NDUFAF5: variants seen among roughly 807,000 people sequenced by gnomAD.
The protein encoded by NDUFAF5 is arginine-hydroxylase NDUFAF5, mitochondrial.
In NDUFAF5, 34 loss-of-function variants were observed where a neutral mutation model predicts 48.9. The ratio of observed to expected loss-of-function variants is 0.70; its 90% confidence interval spans 0.53 to 0.93. The LOEUF is 0.93. NDUFAF5 is among the 40% of genes least tolerant of loss of function. The probability of loss-of-function intolerance (pLI) is 0.00; values close to 1 mark genes in which losing one functional copy is unlikely to be tolerated. For synonymous variants in NDUFAF5, 153 were observed against 150.6 expected (o/e 1.02, Z -0.12); for missense variants, 428 against 427.5 (o/e 1.00, Z -0.01).
At chr20:13,801,002 G>GCACACTGT (rs1984029292) in intron 6 of NDUFAF5, among the ~76,000 whole-genome samples, 1 of 152,176 alleles carries the variant, frequency 6.6e-6, no homozygotes. Context: ...CGTGGAACTG[G>GCACACTGT]CACACTGTCA....
chr20:13,798,197 A>C lies in NDUFAF5; in HGVS notation c.480-264A>C, dbSNP rs6110046. Among the ~76,000 whole-genome samples, 2,389 of 152,354 alleles carry C rather than the reference A, an allele frequency of 0.016. 72 individuals carry two copies. The highest frequency in any genetic ancestry group is 0.055 in the African/African-American group (2,275 of 41,580). On this transcript the variant is annotated intron_variant, in intron 5 of 10. Coordinates refer to ENST00000378106, the MANE Select transcript of NDUFAF5 (RefSeq NM_024120.5). Reference sequence around the variant, plus strand: ...ACTTTTACATAATTCAGTGATGAATAATTAGAAAATAATCATATCAGATTC... The same window carrying C: ...ACTTTTACATAATTCAGTGATGAATCATTAGAAAATAATCATATCAGATTC...
chr20:13,816,399 T>C, intron 8 of NDUFAF5, 64 bp from the exon 9 acceptor site: 1 of 1,075,280 alleles, frequency 9.3e-7, no homozygotes, highest in Non-Finnish European at 1.5e-6. Context: ...GGATTAAGTC[T>C]GTGGTATTGA....
chr20:13,791,824 CCATAGTAGTGTTCATCAGTG>C (rs1982323620), intron 3 of NDUFAF5, among the ~76,000 whole-genome samples: 2 of 152,214 alleles, frequency 1.3e-5, no homozygotes, highest in African/African-American at 2.4e-5. Context: ...TGTAGTCTAT[CCATAGTAGTGTTCATCAGTG>C]TGTGTGGCCC....
At chr20:13,809,065 A>G (rs746100660) in intron 8 of NDUFAF5, 163 bp downstream of exon 8, 78 of 631,992 alleles carry the variant, frequency 1.2e-4, no homozygotes, top group Non-Finnish European at 1.7e-4. Flanking sequence ...GACTGTCTTC[A>G]TGGAGCTTCT....
At chr20:13,811,992 A>G (rs1386673657) in intron 8 of NDUFAF5, among the ~76,000 whole-genome samples, 2 of 152,228 alleles carry the variant, frequency 1.3e-5, no homozygotes, top group Non-Finnish European at 2.9e-5. Flanking sequence ...TTACAGATTT[A>G]TAGTCTTTTG....
At chr20:13,787,464 G>T in intron 2 of NDUFAF5, 112 bp downstream of exon 2, 3 of 987,412 alleles carry the variant, frequency 3.0e-6, no homozygotes, top group South Asian at 1.3e-5. Context: ...AATTTACTCA[G>T]ACTGGTGATT....
chr20:13,808,699 C>A, intron 7 of NDUFAF5, 143 bp from the exon 8 acceptor site: 1 of 611,284 alleles, frequency 1.6e-6, no homozygotes, highest in South Asian at 1.9e-5. Flanking sequence ...CAAACATAAG[C>A]CAGATGACAT....
chr20:13,802,094 T>G (rs370261096), intron 7 of NDUFAF5, among the ~76,000 whole-genome samples: 1 of 152,102 alleles, frequency 6.6e-6, no homozygotes, highest in African/African-American at 2.4e-5. Context: ...CAGTGCCATA[T>G]GAAGCAGAAA....
At chr20:13,795,109 AT>A (rs1982985885) in intron 5 of NDUFAF5, among the ~76,000 whole-genome samples, 168 bp downstream of exon 5, 1 of 152,178 alleles carries the variant, frequency 6.6e-6, no homozygotes, top group Non-Finnish European at 1.5e-5. Flanking sequence ...CCTTGCCAAC[AT>A]GTTGAAACCC....
intron 3 of NDUFAF5, among the ~76,000 whole-genome samples, chr20:13,790,990 C>G (rs1982194380): frequency 6.6e-6 from 1 of 152,174 alleles, no homozygotes; most frequent in Admixed American, 6.5e-5. Context: ...ACTGGATTTG[C>G]TCATTTTTGA....
intron 7 of NDUFAF5, among the ~76,000 whole-genome samples, chr20:13,806,079 G>A (rs563728245): frequency 1.2e-4 from 19 of 152,178 alleles, no homozygotes; most frequent in Non-Finnish European, 2.4e-4. Flanking sequence ...AAGTGAAATC[G>A]AGTCAGATTA....
chr20:13,816,610 C>A, intron 9 of NDUFAF5, 64 bp downstream of exon 9: 1 of 1,299,860 alleles, frequency 7.7e-7, no homozygotes. Context: ...TGTTGATTCC[C>A]TTCACGTTGC....
chr20:13,787,306 C>G lies in NDUFAF5; in HGVS notation c.223-6C>G, dbSNP rs1455353958. 1 of 1,613,890 alleles carries G rather than the reference C, an allele frequency of 6.2e-7. No individual in the cohort carries two copies. ...CCGTTAACCTACGCCTCGTGTAATC[C>G]TTCAGGTTGGAAGTCGGATCGCAGA... On this transcript the variant is annotated splice_polypyrimidine_tract_variant and splice_region_variant and intron_variant, in intron 1 of 10. Coordinates refer to ENST00000378106, the MANE Select transcript of NDUFAF5 (RefSeq NM_024120.5).
chr20:13,789,628 A>G (rs895400203), intron 3 of NDUFAF5, among the ~76,000 whole-genome samples: 1 of 151,810 alleles, frequency 6.6e-6, no homozygotes, highest in Non-Finnish European at 1.5e-5. Context: ...GGTGCCCGCC[A>G]CCACGCCTGG....
chr20:13,805,848 G>A (rs1220539006), intron 7 of NDUFAF5, among the ~76,000 whole-genome samples: 2 of 151,952 alleles, frequency 1.3e-5, no homozygotes, highest in African/African-American at 4.8e-5. Flanking sequence ...GAAGGATTGA[G>A]CCTGGGACGT....
intron 2 of NDUFAF5, among the ~76,000 whole-genome samples, chr20:13,787,948 A>T (rs1981492318): frequency 6.6e-6 from 1 of 151,822 alleles, no homozygotes; most frequent in African/African-American, 2.4e-5. Flanking sequence ...GTAGCATAAC[A>T]TAGTGTATTT....
Position 13,808,933 on chromosome 20 carries a change from A to G in NDUFAF5, c.778+31A>G, listed in dbSNP as rs369984092. On this transcript the variant is annotated intron_variant, in intron 8 of 10. Transcript: ENST00000378106. ...GCACTTTAAAGAATTTTTAGACTCC[A>G]TTGGGAAAGGTAGGCCAAAAAAAAA... is the stretch of plus-strand genomic sequence containing the variant. 62 of 1,471,984 alleles carry G rather than the reference A, an allele frequency of 4.2e-5. No individual in the cohort carries two copies. In the African/African-American group the frequency reaches 8.0e-4, roughly 19 times the overall value. The allele number at this position is 1,471,984 out of a possible 1,614,324, so 91.2% of individuals were successfully genotyped here.
At position 13,789,723 on chromosome 20, in the gene NDUFAF5, G is replaced by A. The variant is rs184953489; in HGVS notation, c.327+1071G>A. 4.8e-3 allele frequency among the ~76,000 whole-genome samples: 734 copies of A among 152,130 alleles called. 12 individuals carry two copies. Among genetic ancestry groups the A allele is most frequent in the African/African-American group, 0.016 (666 of 41,502 alleles). ...GATCTCCTGACCTCATGATCTGTCC[G>A]CCTTGGCCTCCCAAAGTGCTGGGAT... On this transcript the variant is annotated intron_variant, in intron 3 of 10. Transcript: ENST00000378106.
intron 8 of NDUFAF5, among the ~76,000 whole-genome samples, chr20:13,813,555 A>G (rs1986122819): frequency 6.6e-6 from 1 of 152,212 alleles, no homozygotes; most frequent in Admixed American, 6.5e-5. Flanking sequence ...CTTATGTTGT[A>G]CTAGGGAAGA....
Sources: gnomAD v4.1 joint callset for allele counts (sites outside exome capture counted in the v4.1 genomes callset) on GRCh38, gnomAD v4.1.1 for gene constraint, MANE v1.5 for transcripts, NCBI Gene and HGNC (gene_info 2026-07-23, HGNC 2026-07-21) for gene names.